The following TSPAN11 variants were observed in gnomAD, a reference collection of about 807,000 sequenced individuals.
TSPAN11 encodes tetraspanin-11.
TSPAN11 carries 29 observed loss-of-function variants against 32.9 expected under a neutral mutation model. The observed-to-expected ratio is 0.88, with a 90% CI of 0.66 to 1.20. TSPAN11 has a LOEUF of 1.20. Among genes scored for constraint, TSPAN11 ranks in the 50% most tolerant of loss-of-function variants. The probability of loss-of-function intolerance (pLI) is 0.00; values close to 1 mark genes in which losing one functional copy is unlikely to be tolerated. For synonymous variants in TSPAN11, 140 were observed against 141.3 expected (o/e 0.99, Z 0.07); for missense variants, 283 against 329.1 (o/e 0.86, Z 1.08).
chr12:30,939,548 A>G (rs1938118026), intron 1 of TSPAN11, among the ~76,000 whole-genome samples: 1 of 152,198 alleles, frequency 6.6e-6, no homozygotes, highest in Non-Finnish European at 1.5e-5. Flanking sequence ...CACGCACTCC[A>G]TCTCTAACAG....
the TSPAN11 span, among the ~76,000 whole-genome samples, chr12:31,004,570 GCTGT>G: frequency 1.3e-5 from 2 of 152,126 alleles, no homozygotes; most frequent in Admixed American, 1.3e-4. Context: ...GTCCTCTGTC[GCTGT>G]CTGAGTAGCA....
At chr12:30,987,793 G>C (rs1939228979) in intron 7 of TSPAN11, among the ~76,000 whole-genome samples, 1 of 152,222 alleles carries the variant, frequency 6.6e-6, no homozygotes, top group South Asian at 2.1e-4. Context: ...AGGAGATGGG[G>C]AGCAGATGCA....
At position 30,964,374 on chromosome 12, in the gene TSPAN11, C is replaced by T. The variant is rs12581623; in HGVS notation, c.276+357C>T. 0.032 allele frequency among the ~76,000 whole-genome samples: 4,864 copies of T among 150,488 alleles called. 433 individuals carry two copies. In the East Asian group the frequency reaches 0.32, roughly 10 times the overall value. On this transcript the variant is annotated intron_variant, in intron 3 of 7. Transcript: ENST00000546076. The stretch of plus-strand genomic sequence containing the variant: ...TGTACCCTTCCCCTCCTCCTTATCC[C>T]GTTTCCTTCTTATTCTCTTTTTCCT...
In TSPAN11 at chr12:30,978,354, G is replaced by T. The variant is rs149278323; in HGVS notation, c.277-207G>T. ...AATACATATTGGATGGGTACATGCC[G>T]TACTGAATTGTCAGCAGACCAAAGA... On this transcript the variant is annotated intron_variant, in intron 3 of 7. Transcript: ENST00000546076. The T allele has an allele frequency of 6.6e-6, 4 of 604,572 alleles. No individual in the cohort carries two copies. In the East Asian group the frequency reaches 8.3e-5, roughly 13 times the overall value. The allele number at this position is 604,572 out of a possible 1,614,324, so 37.5% of individuals were successfully genotyped here. A position where few individuals can be genotyped will look rare whatever the true frequency, so the allele number is the denominator to read the frequency against.
intron 7 of TSPAN11, among the ~76,000 whole-genome samples, chr12:30,989,178 T>C (rs1181973046): frequency 6.6e-6 from 1 of 152,066 alleles, no homozygotes; most frequent in Non-Finnish European, 1.5e-5. Context: ...GACAGGTAAG[T>C]GTATGGCAGT....
At chr12:30,973,006 A>C (rs1399428999) in intron 3 of TSPAN11, among the ~76,000 whole-genome samples, 1 of 151,990 alleles carries the variant, frequency 6.6e-6, no homozygotes, top group Admixed American at 6.5e-5. Flanking sequence ...GCGGAGGAGC[A>C]CTGACACCCC....
downstream of TSPAN11, among the ~76,000 whole-genome samples, chr12:31,001,601 C>T (rs150366693): frequency 3.9e-3 from 591 of 152,274 alleles, 4 homozygotes; most frequent in African/African-American, 0.013. Flanking sequence ...TTGTGTGTGC[C>T]GGCACCAGTG....
chr12:30,941,226 C>G (rs746676914), intron 1 of TSPAN11, among the ~76,000 whole-genome samples: 21 of 152,224 alleles, frequency 1.4e-4, no homozygotes, highest in Non-Finnish European at 4.4e-5. Context: ...TTTTCACATG[C>G]AAGGGTTCTG....
intron 7 of TSPAN11, among the ~76,000 whole-genome samples, chr12:30,990,592 G>A (rs1017684932): frequency 3.3e-5 from 5 of 152,180 alleles, no homozygotes; most frequent in African/African-American, 9.7e-5. Flanking sequence ...CACACTCCAC[G>A]CTGTCCTCCA....
chr12:31,013,845 G>A, the TSPAN11 span, among the ~76,000 whole-genome samples: 2 of 152,160 alleles, frequency 1.3e-5, no homozygotes, highest in African/African-American at 2.4e-5. Flanking sequence ...TATGGTAGCC[G>A]CCAGGTACAT....
intron 1 of TSPAN11, among the ~76,000 whole-genome samples, chr12:30,935,352 A>G (rs1938021419): frequency 7.1e-6 from 1 of 141,736 alleles, no homozygotes; most frequent in Admixed American, 7.1e-5. Context: ...AGCAGTGAGT[A>G]TGTTAGCCAA....
chr12:30,974,868 G>A (rs960280219), intron 3 of TSPAN11, among the ~76,000 whole-genome samples: 1 of 152,240 alleles, frequency 6.6e-6, no homozygotes, highest in Non-Finnish European at 1.5e-5. Flanking sequence ...GAGGAGAGAA[G>A]GGCAAAGCAG....
At chr12:30,940,325 C>A (rs1215794039) in intron 1 of TSPAN11, among the ~76,000 whole-genome samples, 2 of 152,204 alleles carry the variant, frequency 1.3e-5, no homozygotes, top group Non-Finnish European at 2.9e-5. Flanking sequence ...TTCATTCATT[C>A]ATTCAGCATC....
the TSPAN11 span, among the ~76,000 whole-genome samples, chr12:31,008,362 G>T: frequency 3.7e-4 from 57 of 152,328 alleles, no homozygotes; most frequent in East Asian, 4.4e-3. Context: ...GTACAGCCAT[G>T]CCTGCTCCCA....
intron 1 of TSPAN11, among the ~76,000 whole-genome samples, chr12:30,930,218 A>G (rs111516320): frequency 6.6e-5 from 10 of 152,136 alleles, no homozygotes; most frequent in African/African-American, 1.4e-4. Context: ...TACACTGTAC[A>G]TGTATGTTTT....
chr12:30,980,112 G>A (rs185824621), intron 5 of TSPAN11, among the ~76,000 whole-genome samples: 10 of 152,336 alleles, frequency 6.6e-5, no homozygotes, highest in Admixed American at 4.6e-4. Context: ...AACCAGCGGA[G>A]GTATTTCAGT....
intron 7 of TSPAN11, among the ~76,000 whole-genome samples, chr12:30,984,607 G>T: frequency 7.1e-6 from 1 of 139,990 alleles, no homozygotes; most frequent in Admixed American, 7.6e-5. Flanking sequence ...TGCCCAGGCT[G>T]GAGTGCAGTG....
At chr12:30,949,863 C>G (rs550055360) in intron 1 of TSPAN11, among the ~76,000 whole-genome samples, 40 of 152,302 alleles carry the variant, frequency 2.6e-4, no homozygotes, top group African/African-American at 9.6e-4. Context: ...GCATGTGGCA[C>G]TGTGGGCCAC....
At chr12:30,935,894 A>G (rs1034969169) in intron 1 of TSPAN11, among the ~76,000 whole-genome samples, 1 of 152,196 alleles carries the variant, frequency 6.6e-6, no homozygotes, top group African/African-American at 2.4e-5. Flanking sequence ...GGTCTCTGCC[A>G]TGGTCTTGCA....
Sources: allele counts gnomAD v4.1 joint callset (sites outside exome capture counted in the v4.1 genomes callset), GRCh38; gene constraint gnomAD v4.1.1; transcripts MANE v1.5; gene names NCBI Gene and HGNC (gene_info 2026-07-23, HGNC 2026-07-21).